The following TSC22D1 variants were observed in gnomAD, a reference collection of about 807,000 sequenced individuals.
The protein encoded by TSC22D1 is TSC22 domain family member 1.
Under a neutral mutation model 74.2 loss-of-function variants are expected in TSC22D1, and 9 were observed. That is an observed-to-expected ratio of 0.12 (90% CI 0.07 to 0.21). The LOEUF is 0.21. TSC22D1 is among the 10% of genes least tolerant of loss of function. The pLI, the probability that TSC22D1 is intolerant of heterozygous loss-of-function variation, is 1.00. For synonymous variants in TSC22D1, 586 were observed against 492.5 expected (o/e 1.19, Z -2.51); for missense variants, 1,427 against 1,304.7 (o/e 1.09, Z -1.44).
rs185995307 is a variant in TSC22D1 at position 44,495,321 on chromosome 13, G to A, written c.2913-59226C>T. On this transcript the variant is annotated intron_variant, in intron 1 of 2. Coordinates refer to ENST00000458659, the MANE Select transcript of TSC22D1 (RefSeq NM_183422.4). The stretch of plus-strand genomic sequence containing the variant: ...AAAAAAAAAAAAAAAACAGTCTAAC[G>A]GTAATTCTATATCTGACAAAACTAT... Among the ~76,000 whole-genome samples the A allele has an allele frequency of 2.2e-3, 323 of 149,554 alleles. 1 individual carries two copies. The highest frequency in any genetic ancestry group is 7.3e-3 in the African/African-American group (298 of 40,876).
In TSC22D1 at chr13:44,504,601, CA is replaced by C. The variant is rs10577341; in HGVS notation, c.2913-68507del. Among the ~76,000 whole-genome samples, 424 of 97,466 alleles carry C rather than the reference CA, an allele frequency of 4.4e-3. 1 individual carries two copies. Among genetic ancestry groups the C allele is most frequent in the Middle Eastern group, 6.0e-3 (1 of 166 alleles). The allele number at this position is 97,466 out of a possible 152,430, so 63.9% of individuals were successfully genotyped here. On this transcript the variant is annotated intron_variant, in intron 1 of 2. Coordinates refer to ENST00000458659, the MANE Select transcript of TSC22D1 (RefSeq NM_183422.4). ...CCTGGGTGACAGAGGGAGACTGTCT[CA>C]AAAAAAAAAAAAAAAAAAAAATTTT... is the stretch of plus-strand genomic sequence containing the variant.
At chr13:44,516,210 A>G (rs951567388) in intron 1 of TSC22D1, 4 of 273,392 alleles carry the variant, frequency 1.5e-5, no homozygotes, top group Admixed American at 1.2e-4. Context: ...ACTAAAAAAA[A>G]AGTTCTCTTG....
chr13:44,570,724 A>G (rs1883706682), intron 1 of TSC22D1, among the ~76,000 whole-genome samples: 1 of 152,204 alleles, frequency 6.6e-6, no homozygotes, highest in African/African-American at 2.4e-5. Context: ...TTCCTGATTC[A>G]TAATATTGAA....
At chr13:44,481,346 A>T (rs1878168306) in intron 1 of TSC22D1, among the ~76,000 whole-genome samples, 1 of 152,028 alleles carries the variant, frequency 6.6e-6, no homozygotes, top group African/African-American at 2.4e-5. Flanking sequence ...GGGTAAAATG[A>T]GGAAGACAGG....
chr13:44,575,244 A>C lies in TSC22D1; in HGVS notation c.831T>G (p.Thr277=). 1 of 1,614,120 alleles carries C rather than the reference A, an allele frequency of 6.2e-7. No individual in the cohort carries two copies. Among genetic ancestry groups the C allele is most frequent in the East Asian group, 2.2e-5 (1 of 44,896 alleles). The change falls in exon 1 of 3, where the codon ACT becomes ACG. Residue 277 remains threonine, a synonymous_variant. Coordinates refer to ENST00000458659, the MANE Select transcript of TSC22D1 (RefSeq NM_183422.4). The part of the protein sequence containing the change: ...SSDSITPVAP[T]SAVSSSGSPA... Reference sequence around the variant, plus strand: ...GTGAACCACTGGATGATACAGCAGAAGTTGGTGCAACTGGTGTGATACTGT... The same window carrying C: ...GTGAACCACTGGATGATACAGCAGACGTTGGTGCAACTGGTGTGATACTGT...
At chr13:44,557,454 C>T (rs1360940116) in intron 1 of TSC22D1, among the ~76,000 whole-genome samples, 2 of 152,136 alleles carry the variant, frequency 1.3e-5, no homozygotes, top group Admixed American at 6.6e-5. Flanking sequence ...AGCGAGACTC[C>T]GTCTCAAAAC....
chr13:44,566,891 G>A (rs1883409682), intron 1 of TSC22D1, among the ~76,000 whole-genome samples: 1 of 152,104 alleles, frequency 6.6e-6, no homozygotes, highest in African/African-American at 2.4e-5. Context: ...AAAAGACTCA[G>A]GAATTGGCAG....
At chr13:44,473,995 A>G (rs909313958) in intron 1 of TSC22D1, among the ~76,000 whole-genome samples, 1 of 152,212 alleles carries the variant, frequency 6.6e-6, no homozygotes, top group Non-Finnish European at 1.5e-5. Context: ...AAAAATTTCT[A>G]TCATGATCTC....
chr13:44,536,760 T>C, intron 1 of TSC22D1: 1 of 984,410 alleles, frequency 1.0e-6, no homozygotes, highest in Non-Finnish European at 1.2e-6. Context: ...TTTGCAAAAT[T>C]GAGGTACAAA....
At position 44,447,833 on chromosome 13, in the gene TSC22D1, C is replaced by CTTTTTTTTTTTTTTTT. The variant is rs5803260; in HGVS notation, c.2913-11754_2913-11739dup. ...ATGCTAAGAAGACCCAATGCCTTTT[C>CTTTTTTTTTTTTTTTT]TTTTTTTTTTTTTTTTTTTTAAGAT... On this transcript the variant is annotated intron_variant, in intron 1 of 2. Transcript: ENST00000458659. Among the ~76,000 whole-genome samples the CTTTTTTTTTTTTTTTT allele has an allele frequency of 3.1e-5, 4 of 129,470 alleles. 1 individual carries two copies. Among genetic ancestry groups the CTTTTTTTTTTTTTTTT allele is most frequent in the Non-Finnish European group, 4.8e-5 (3 of 62,554 alleles). 84.9% of individuals were successfully genotyped at this position (129,470 alleles called of 152,430 possible). A position where few individuals can be genotyped will look rare whatever the true frequency, so the allele number is the denominator to read the frequency against.
chr13:44,445,272 C>A (rs1385284937), intron 1 of TSC22D1, among the ~76,000 whole-genome samples: 2 of 147,246 alleles, frequency 1.4e-5, no homozygotes, highest in East Asian at 4.0e-4. Flanking sequence ...CGATTTTCCA[C>A]AAATATGTAA....
At chr13:44,540,878 C>A (rs938799393) in intron 1 of TSC22D1, among the ~76,000 whole-genome samples, 1 of 152,118 alleles carries the variant, frequency 6.6e-6, no homozygotes, top group Non-Finnish European at 1.5e-5. Flanking sequence ...CTTTGGAAAA[C>A]AGATCAATTA....
rs1217156154 is a variant in TSC22D1, at chr13:44,575,722, G to A, written c.353C>T (p.Pro118Leu). 4 of 1,614,214 alleles carry A rather than the reference G, an allele frequency of 2.5e-6. No homozygotes were observed. Among genetic ancestry groups the A allele is most frequent in the Admixed American group, 1.7e-5 (1 of 60,028 alleles). Residue 118 changes from proline (P) to leucine (L), a missense_variant, in exon 1 of 3, where the codon CCT becomes CTT. By Grantham distance (98) the Pro-to-Leu change is moderately conservative. Transcript: ENST00000458659. The stretch of plus-strand genomic sequence containing the variant: ...GCTGATACTAGCGGAGATCTGAGCA[G>A]GAGTAACGCTAGTTATCTGGAAGCC... ...KSGFQITSVTPAQISASISSN... is the reference protein window; with the variant it reads ...KSGFQITSVTLAQISASISSN...
chr13:44,559,986 C>G (rs1021103212), intron 1 of TSC22D1, among the ~76,000 whole-genome samples: 1 of 152,068 alleles, frequency 6.6e-6, no homozygotes, highest in South Asian at 2.1e-4. Flanking sequence ...GCCACCACAC[C>G]CAGTCTCTAA....
intron 1 of TSC22D1, among the ~76,000 whole-genome samples, chr13:44,524,075 T>G (rs976768659): frequency 2.6e-5 from 4 of 152,162 alleles, no homozygotes; most frequent in Admixed American, 2.0e-4. Flanking sequence ...AAAAGATGCA[T>G]GAAACTTAGT....
intron 1 of TSC22D1, among the ~76,000 whole-genome samples, chr13:44,476,088 T>TG (rs1319269595): frequency 6.6e-6 from 1 of 152,168 alleles, no homozygotes; most frequent in Non-Finnish European, 1.5e-5. Context: ...CCACATTAGG[T>TG]GGGGGCTACA....
At chr13:44,563,873 T>C (rs1883196751) in intron 1 of TSC22D1, among the ~76,000 whole-genome samples, 1 of 152,250 alleles carries the variant, frequency 6.6e-6, no homozygotes, top group South Asian at 2.1e-4. Flanking sequence ...CTTAAGTTTC[T>C]GATTATTTTA....
intron 1 of TSC22D1, among the ~76,000 whole-genome samples, chr13:44,520,466 A>G (rs1416579557): frequency 3.3e-5 from 5 of 152,162 alleles, no homozygotes; most frequent in Non-Finnish European, 7.4e-5. Flanking sequence ...TAGGGGAGGA[A>G]TGGAGAGATT....
At chr13:44,469,983 T>C (rs896749706) in intron 1 of TSC22D1, among the ~76,000 whole-genome samples, 2 of 152,136 alleles carry the variant, frequency 1.3e-5, no homozygotes, top group African/African-American at 2.4e-5. Context: ...TATGCAGCCA[T>C]CATGCAAAAT....
Sources: allele counts gnomAD v4.1 joint callset (sites outside exome capture counted in the v4.1 genomes callset), GRCh38; gene constraint gnomAD v4.1.1; transcripts MANE v1.5; gene names NCBI Gene and HGNC (gene_info 2026-07-23, HGNC 2026-07-21).